Variants in FGF12 observed in about 807,000 individuals in gnomAD.
FGF12 encodes fibroblast growth factor 12.
In FGF12, 14 loss-of-function variants were observed where a neutral mutation model predicts 23.6. The observed-to-expected ratio is 0.59, with a 90% CI of 0.39 to 0.93. FGF12 has a LOEUF of 0.93. Among genes scored for constraint, FGF12 ranks in the 40% least tolerant of loss-of-function variants. The probability of loss-of-function intolerance (pLI) is 0.00; values close to 1 mark genes in which losing one functional copy is unlikely to be tolerated. For missense variants in FGF12, 175 were observed against 217.8 expected (o/e 0.80, Z 1.24); for synonymous variants, 62 against 77.3 (o/e 0.80, Z 1.04).
intron 2 of FGF12, among the ~76,000 whole-genome samples, chr3:192,604,664 T>C (rs1714263492): frequency 6.6e-6 from 1 of 152,196 alleles, no homozygotes; most frequent in Non-Finnish European, 1.5e-5. Flanking sequence ...GCTATTCCTA[T>C]CAAGCTACAA....
At chr3:192,219,134 G>C (rs1718345508) in intron 4 of FGF12, among the ~76,000 whole-genome samples, 1 of 151,954 alleles carries the variant, frequency 6.6e-6, no homozygotes. Flanking sequence ...ACCCAGGCTG[G>C]AGTGCAGTGG....
At chr3:192,613,879 T>C (rs896506993) in intron 2 of FGF12, among the ~76,000 whole-genome samples, 7 of 151,920 alleles carry the variant, frequency 4.6e-5, no homozygotes, top group African/African-American at 1.7e-4. Context: ...CACTTATAAA[T>C]TTACAATTGC....
At chr3:192,629,272 T>C (rs1577087426) in intron 2 of FGF12, among the ~76,000 whole-genome samples, 1 of 152,346 alleles carries the variant, frequency 6.6e-6, no homozygotes, top group East Asian at 1.9e-4. Context: ...AGCAAGTTGA[T>C]TTACTTCATC....
chr3:192,262,314 G>T (rs1033872519), intron 4 of FGF12, among the ~76,000 whole-genome samples: 11 of 152,060 alleles, frequency 7.2e-5, no homozygotes, highest in African/African-American at 2.7e-4. Context: ...TCTTGTAAGA[G>T]ATTCAAAAAC....
At chr3:192,555,140 T>G (rs1274181637) in intron 2 of FGF12, among the ~76,000 whole-genome samples, 1 of 152,136 alleles carries the variant, frequency 6.6e-6, no homozygotes, top group Non-Finnish European at 1.5e-5. Flanking sequence ...GGGCCCAAAC[T>G]TCCCAAATCT....
At chr3:192,316,184 T>C (rs970929173) in intron 4 of FGF12, among the ~76,000 whole-genome samples, 15 of 151,926 alleles carry the variant, frequency 9.9e-5, no homozygotes, top group African/African-American at 3.4e-4. Flanking sequence ...TAATAATAGA[T>C]CATTGAGGTG....
intron 4 of FGF12, among the ~76,000 whole-genome samples, chr3:192,309,022 A>T (rs1715800864): frequency 6.6e-6 from 1 of 152,232 alleles, no homozygotes; most frequent in African/African-American, 2.4e-5. Context: ...CTACAGAAAT[A>T]TTACTTGCTT....
intron 2 of FGF12, among the ~76,000 whole-genome samples, chr3:192,684,280 C>T (rs1256755813): frequency 1.3e-5 from 2 of 152,222 alleles, no homozygotes; most frequent in East Asian, 1.9e-4. Flanking sequence ...GGGGTTAAAA[C>T]GGAAATACGC....
intron 2 of FGF12, among the ~76,000 whole-genome samples, chr3:192,664,361 T>A (rs1231543680): frequency 1.3e-5 from 2 of 152,002 alleles, no homozygotes; most frequent in Non-Finnish European, 2.9e-5. Context: ...CCAGAGTTGT[T>A]CTAGGACCTT....
At chr3:192,610,053 T>G (rs940590468) in intron 2 of FGF12, among the ~76,000 whole-genome samples, 2 of 152,068 alleles carry the variant, frequency 1.3e-5, no homozygotes, top group African/African-American at 4.8e-5. Flanking sequence ...TCATTAGTAT[T>G]TGCTTCCAAT....
intron 2 of FGF12, among the ~76,000 whole-genome samples, chr3:192,636,748 T>C (rs1399446802): frequency 6.6e-6 from 1 of 152,218 alleles, no homozygotes; most frequent in African/African-American, 2.4e-5. Context: ...TTCTCCCTGA[T>C]GACTCAGGCA....
intron 3 of FGF12, among the ~76,000 whole-genome samples, chr3:192,349,176 C>T (rs1358477279): frequency 1.3e-5 from 2 of 152,110 alleles, no homozygotes; most frequent in Non-Finnish European, 2.9e-5. Flanking sequence ...AGAAACTACA[C>T]TGCAATTCAT....
At chr3:192,552,624 C>T (rs1711578015) in intron 2 of FGF12, among the ~76,000 whole-genome samples, 1 of 152,128 alleles carries the variant, frequency 6.6e-6, no homozygotes, top group Admixed American at 6.6e-5. Flanking sequence ...GGCATGGTGG[C>T]TCATGCCTAT....
intron 2 of FGF12, among the ~76,000 whole-genome samples, chr3:192,466,179 T>C (rs1467523616): frequency 6.6e-6 from 1 of 152,160 alleles, no homozygotes; most frequent in Non-Finnish European, 1.5e-5. Flanking sequence ...TAAGTATTAG[T>C]GTATCTAAAC....
At chr3:192,400,696 G>T (rs1403022538) in intron 2 of FGF12, among the ~76,000 whole-genome samples, 1 of 152,098 alleles carries the variant, frequency 6.6e-6, no homozygotes. Context: ...GTGTTTTGTA[G>T]TTGGGTAATT....
At position 192,382,339 on chromosome 3, in the gene FGF12, G is replaced by A. The variant is rs987925794; in HGVS notation, c.14-21801C>T. Among the ~76,000 whole-genome samples, 4 of 152,022 alleles carry A rather than the reference G, an allele frequency of 2.6e-5. No homozygotes were observed. In the East Asian group the frequency reaches 5.8e-4, roughly 22 times the overall value. Reference sequence around the variant, plus strand: ...AGCTTGTACATCAATCAAATGCTATGCTATAGTCCATCTACACTCAGGCTG... The same window carrying A: ...AGCTTGTACATCAATCAAATGCTATACTATAGTCCATCTACACTCAGGCTG... On this transcript the variant is annotated intron_variant, in intron 2 of 5. Coordinates refer to ENST00000445105, the MANE Select transcript of FGF12 (RefSeq NM_004113.6).
chr3:192,727,434 C>T (rs1268634525), intron 1 of FGF12, 50 bp downstream of exon 1: 3 of 1,099,816 alleles, frequency 2.7e-6, no homozygotes, highest in Non-Finnish European at 3.8e-6. Flanking sequence ...GCATCTGATA[C>T]TGAAATGCAT....
At chr3:192,287,735 A>G (rs138686088) in intron 4 of FGF12, among the ~76,000 whole-genome samples, 3 of 152,066 alleles carry the variant, frequency 2.0e-5, no homozygotes, top group African/African-American at 4.8e-5. Context: ...GCCAAGAACT[A>G]TGCCAGAATT....
chr3:192,466,742 G>A (rs549322614), intron 2 of FGF12, among the ~76,000 whole-genome samples: 1 of 152,286 alleles, frequency 6.6e-6, no homozygotes, highest in South Asian at 2.1e-4. Context: ...GAGAAAGAAG[G>A]TCAGGGGTCT....
Sources: allele counts gnomAD v4.1 joint callset (sites outside exome capture counted in the v4.1 genomes callset), GRCh38; gene constraint gnomAD v4.1.1; transcripts MANE v1.5; gene names NCBI Gene and HGNC (gene_info 2026-07-23, HGNC 2026-07-21).